The following MYO16 variants were observed in gnomAD, a reference collection of about 807,000 sequenced individuals.
MYO16 encodes the protein myosin XVI.
In MYO16, 94 loss-of-function variants were observed where a neutral mutation model predicts 205.3. The ratio of observed to expected loss-of-function variants is 0.46; its 90% CI spans 0.39 to 0.54. The LOEUF (loss-of-function observed/expected upper bound fraction) is 0.54, where lower values mean the gene tolerates loss of function less well. MYO16 is among the 20% of genes least tolerant of loss of function. MYO16 has a pLI of 0.00. For synonymous variants in MYO16, 988 were observed against 954.0 expected, an observed-to-expected ratio of 1.04 and a Z score of -0.66; for missense variants, 2,315 against 2,387.5, an observed-to-expected ratio of 0.97 and a Z score of 0.63.
intron 20 of MYO16, among the ~76,000 whole-genome samples, chr13:108,981,012 G>T (rs765960883): frequency 2.6e-5 from 4 of 152,120 alleles, no homozygotes; most frequent in Non-Finnish European, 5.9e-5. Context: ...TTAAAAGCCT[G>T]AGTTTTTGCA....
intron 20 of MYO16, among the ~76,000 whole-genome samples, chr13:108,989,238 A>C (rs1884738663): frequency 6.6e-6 from 1 of 152,178 alleles, no homozygotes; most frequent in Admixed American, 6.6e-5. Context: ...AGAATACTAA[A>C]GGTATACATT....
chr13:109,085,830 A>C (rs1888422838), intron 27 of MYO16, among the ~76,000 whole-genome samples: 1 of 152,166 alleles, frequency 6.6e-6, no homozygotes, highest in South Asian at 2.1e-4. Flanking sequence ...GTCAGTGATA[A>C]GGCGATTTCA....
At chr13:108,616,008 T>G (rs1298654508) in intron 1 of MYO16, among the ~76,000 whole-genome samples, 1 of 152,186 alleles carries the variant, frequency 6.6e-6, no homozygotes, top group Non-Finnish European at 1.5e-5. Flanking sequence ...TCTTCACTGC[T>G]CCCATGGCAC....
chr13:109,022,665 ATATT>A (rs1404250093), intron 23 of MYO16, among the ~76,000 whole-genome samples: 1 of 110,802 alleles, frequency 9.0e-6, no homozygotes, highest in East Asian at 2.5e-4. Context: ...ATATATTTAT[ATATT>A]ATATATACAC....
intron 1 of MYO16, chr13:108,596,261 C>A (rs886952932): frequency 6.6e-6 from 1 of 152,162 alleles, no homozygotes; most frequent in East Asian, 1.9e-4. Flanking sequence ...AGCTCTGGTT[C>A]ACTCTTCCTT....
chr13:108,547,345 C>A, the MYO16 span, among the ~76,000 whole-genome samples: 1 of 151,784 alleles, frequency 6.6e-6, no homozygotes, highest in Non-Finnish European at 1.5e-5. Context: ...TCACTGGTAC[C>A]CACAAGCAGT....
intron 9 of MYO16, among the ~76,000 whole-genome samples, chr13:108,833,705 G>T (rs1876743243): frequency 6.6e-6 from 1 of 151,936 alleles, no homozygotes; most frequent in African/African-American, 2.4e-5. Flanking sequence ...TTTCCTACAG[G>T]CACATTTTCT....
intron 28 of MYO16, among the ~76,000 whole-genome samples, chr13:109,111,938 G>A (rs976211784): frequency 2.0e-5 from 3 of 151,992 alleles, no homozygotes; most frequent in Admixed American, 6.6e-5. Flanking sequence ...CACCCACCTC[G>A]GCCTCCCAAA....
intron 27 of MYO16, among the ~76,000 whole-genome samples, chr13:109,092,132 A>G (rs558258132): frequency 3.9e-5 from 6 of 152,370 alleles, no homozygotes; most frequent in African/African-American, 1.4e-4. Context: ...TTTTACTTTC[A>G]TAACAAAATT....
intron 8 of MYO16, 27 bp from the exon 9 acceptor site, chr13:108,823,098 C>T: frequency 6.3e-7 from 1 of 1,591,648 alleles, no homozygotes. Flanking sequence ...CATCATTTTT[C>T]TGATTTTTCT....
chr13:108,828,349 C>A (rs1173440259), intron 9 of MYO16, among the ~76,000 whole-genome samples: 1 of 152,128 alleles, frequency 6.6e-6, no homozygotes, highest in Non-Finnish European at 1.5e-5. Flanking sequence ...TGCTTATGGG[C>A]AGAGACTCCA....
At chr13:108,603,479 T>A (rs896885788) in intron 1 of MYO16, among the ~76,000 whole-genome samples, 7 of 152,312 alleles carry the variant, frequency 4.6e-5, no homozygotes, top group African/African-American at 1.7e-4. Flanking sequence ...AGATGTTGAA[T>A]CTTTGAAATA....
intron 16 of MYO16, among the ~76,000 whole-genome samples, chr13:108,939,936 G>A (rs1361992285): frequency 6.6e-6 from 1 of 152,074 alleles, no homozygotes; most frequent in Non-Finnish European, 1.5e-5. Flanking sequence ...TCTAAGTAGA[G>A]GAGAATTTGT....
chr13:109,004,997 G>A (rs758651444), intron 21 of MYO16, among the ~76,000 whole-genome samples: 1 of 152,134 alleles, frequency 6.6e-6, no homozygotes, highest in Non-Finnish European at 1.5e-5. Flanking sequence ...AGGTTTAAAA[G>A]GTAAAGAACT....
chr13:108,583,861 TTTAAAA>T, the MYO16 span, among the ~76,000 whole-genome samples: 1 of 152,196 alleles, frequency 6.6e-6, no homozygotes, highest in Non-Finnish European at 1.5e-5. Context: ...CATGCAGTCT[TTTAAAA>T]CTGTTTTGAA....
chr13:108,790,077 A>C (rs1886571340), intron 5 of MYO16, among the ~76,000 whole-genome samples: 1 of 152,180 alleles, frequency 6.6e-6, no homozygotes, highest in African/African-American at 2.4e-5. Context: ...AAGCAAAGGC[A>C]AGAAGGTTGG....
chr13:108,828,117 C>A (rs1286547673), intron 9 of MYO16, among the ~76,000 whole-genome samples: 1 of 152,152 alleles, frequency 6.6e-6, no homozygotes, highest in African/African-American at 2.4e-5. Context: ...AGAACAACAC[C>A]TGGACGCATG....
At chr13:108,749,728 A>G (rs952232966) in intron 4 of MYO16, among the ~76,000 whole-genome samples, 6 of 152,216 alleles carry the variant, frequency 3.9e-5, no homozygotes, top group Admixed American at 6.5e-5. Context: ...AGTTCTTAAC[A>G]AAGTTAAATA....
intron 1 of MYO16, among the ~76,000 whole-genome samples, chr13:108,633,624 T>A (rs7317754): frequency 6.6e-6 from 1 of 152,026 alleles, no homozygotes; most frequent in Non-Finnish European, 1.5e-5. Context: ...ACATCACCCT[T>A]GCAGACACAC....
Sources: allele counts gnomAD v4.1 joint callset (sites outside exome capture counted in the v4.1 genomes callset), GRCh38; gene constraint gnomAD v4.1.1; transcripts MANE v1.5; gene names NCBI Gene and HGNC (gene_info 2026-07-23, HGNC 2026-07-21).